The following ZZEF1 variants were observed in gnomAD, a reference collection of about 807,000 sequenced individuals.
ZZEF1 encodes the protein zinc finger ZZ-type and EF-hand domain containing 1, also known as zinc finger ZZ-type and EF-hand domain-containing protein 1.
In ZZEF1, 157 loss-of-function variants were observed where a neutral mutation model predicts 342.8. The ratio of observed to expected loss-of-function variants is 0.46; its 90% CI spans 0.40 to 0.52. The LOEUF is 0.52. Ranked by LOEUF, ZZEF1 falls within the 20% of genes least tolerant of loss-of-function variation. The pLI, the probability that ZZEF1 is intolerant of heterozygous loss-of-function variation, is 0.00. For synonymous variants in ZZEF1, 1,505 were observed against 1,429.1 expected, an observed-to-expected ratio of 1.05 and a Z score of -1.20; for missense variants, 3,480 against 3,725.6, an observed-to-expected ratio of 0.93 and a Z score of 1.72.
intron 1 of ZZEF1, among the ~76,000 whole-genome samples, chr17:4,132,491 C>G (rs545979004): frequency 8.1e-4 from 123 of 151,568 alleles, no homozygotes; most frequent in South Asian, 5.7e-3. Flanking sequence ...GAGGTCAGGG[C>G]ATCAAGACCA....
In ZZEF1 at chr17:4,021,277, G is replaced by C. The variant is rs1337142278; in HGVS notation, c.7256C>G (p.Ala2419Gly). 6.2e-7 allele frequency: 1 copy of C among 1,614,082 alleles called. No individual in the cohort carries two copies. The change falls in exon 45 of 55, where the codon GCT becomes GGT. Residue 2419 changes from alanine (A) to glycine (G), a missense_variant. Physicochemically the swap from Ala to Gly is moderately conservative, Grantham distance 60. Transcript: ENST00000381638. ...MLYSSKKEIN[A>G]LAEHGDLELD... ...CTCTAGGTCTCCGTGCTCAGCCAAA[G>C]CGTTGATCTCCTTTTTTGAGGAGTA... is the stretch of plus-strand genomic sequence containing the variant.
At chr17:4,108,591 T>C (rs1212981214) in intron 6 of ZZEF1, among the ~76,000 whole-genome samples, 2 of 152,194 alleles carry the variant, frequency 1.3e-5, no homozygotes, top group African/African-American at 4.8e-5. Flanking sequence ...AACATAGCAA[T>C]GTACACCAAT....
intron 36 of ZZEF1, 65 bp downstream of exon 36, chr17:4,050,716 T>C (rs912855744): frequency 6.2e-7 from 1 of 1,602,780 alleles, no homozygotes; most frequent in Non-Finnish European, 8.5e-7. Context: ...TATTTTACAT[T>C]TGCCAAGGCT....
At chr17:4,048,914 T>C (rs1165750900) in intron 37 of ZZEF1, among the ~76,000 whole-genome samples, 1 of 148,200 alleles carries the variant, frequency 6.7e-6, no homozygotes, top group Non-Finnish European at 1.5e-5. Flanking sequence ...GAGACAGGGT[T>C]TCACCCTGTT....
intron 39 of ZZEF1, among the ~76,000 whole-genome samples, chr17:4,036,776 TACACACACACACACACAC>T (rs761229612): frequency 3.0e-5 from 3 of 99,914 alleles, no homozygotes; most frequent in Non-Finnish European, 3.9e-5. Context: ...ATATATAGAA[TACACACACACACACACAC>T]ACACACACAC....
intron 43 of ZZEF1, among the ~76,000 whole-genome samples, chr17:4,023,438 A>G (rs2056321423): frequency 6.6e-6 from 1 of 152,120 alleles, no homozygotes; most frequent in South Asian, 2.1e-4. Flanking sequence ...GACAGAAATT[A>G]TTGCTGCCCT....
chr17:4,142,581 C>T lies in ZZEF1; in HGVS notation c.315G>A (p.Glu105=). 1.2e-6 allele frequency: 2 copies of T among 1,604,390 alleles called. No individual in the cohort carries two copies. The highest frequency in any genetic ancestry group is 1.7e-6 in the Non-Finnish European group (2 of 1,179,710). The change falls in exon 1 of 55, where the codon GAG becomes GAA. Residue 105 remains glutamate, a synonymous_variant. Coordinates refer to ENST00000381638, the MANE Select transcript of ZZEF1 (RefSeq NM_015113.4). ...VTLEQFRELL[E]ARGAGCSSEQ... is the part of the protein sequence containing the mutation. ...CGCTAGAGCAGCCGGCGCCGCGAGC[C>T]TCCAGCAGCTCCCGGAACTGCTCCA...
At chr17:4,125,662 A>G (rs2058561994) in intron 1 of ZZEF1, among the ~76,000 whole-genome samples, 1 of 152,228 alleles carries the variant, frequency 6.6e-6, no homozygotes, top group South Asian at 2.1e-4. Flanking sequence ...ACTAGACCCA[A>G]TCAAGAAAGG....
chr17:4,067,309 C>T (rs2057420034), intron 26 of ZZEF1, 67 bp from the exon 27 acceptor site: 2 of 1,313,670 alleles, frequency 1.5e-6, no homozygotes, highest in Admixed American at 2.1e-5. Context: ...ACATTAAGCA[C>T]AAAAAATCTA....
In ZZEF1 at chr17:4,014,651, C is replaced by T; in HGVS notation, c.8146-136G>A. The T allele has an allele frequency of 3.3e-6, 3 of 896,662 alleles. No homozygotes were observed. Among genetic ancestry groups the T allele is most frequent in the South Asian group, 1.5e-5 (1 of 65,216 alleles). The allele number at this position is 896,662 out of a possible 1,614,324, so 55.5% of individuals were successfully genotyped here. A position where few individuals can be genotyped will look rare whatever the true frequency, so the allele number is the denominator to read the frequency against. ...ACCACAGCCCTGGCCTCCAGGAGTGCAGAGTCCAGCTAGGGCGAGGAGCAT... is the reference window on the plus strand; with the variant it reads ...ACCACAGCCCTGGCCTCCAGGAGTGTAGAGTCCAGCTAGGGCGAGGAGCAT... On this transcript the variant is annotated intron_variant, in intron 49 of 54. Transcript: ENST00000381638. This position sits in a 1 kb window ranked among gnomAD's most constrained non-coding sequence, Gnocchi z 4.4.
chr17:4,090,985 T>C (rs1176766771), intron 11 of ZZEF1, among the ~76,000 whole-genome samples, 155 bp from the exon 12 acceptor site: 1 of 152,220 alleles, frequency 6.6e-6, no homozygotes, highest in Non-Finnish European at 1.5e-5. Context: ...TGTGAGCACA[T>C]GAGACAGTTG....
chr17:4,072,137 A>G (rs1240502791), intron 25 of ZZEF1, among the ~76,000 whole-genome samples: 2 of 152,066 alleles, frequency 1.3e-5, no homozygotes, highest in Non-Finnish European at 2.9e-5. Context: ...AACGTGGGGC[A>G]GGGCAGGGAG....
chr17:4,023,677 A>AT (rs1567769666), intron 43 of ZZEF1, among the ~76,000 whole-genome samples: 4 of 151,276 alleles, frequency 2.6e-5, no homozygotes, highest in Admixed American at 6.6e-5. Flanking sequence ...AAAAAAAAAA[A>AT]ATTAACTGGG....
chr17:4,087,890 C>T (rs6502768), intron 13 of ZZEF1, among the ~76,000 whole-genome samples: 1 of 151,776 alleles, frequency 6.6e-6, no homozygotes, highest in Admixed American at 6.6e-5. Context: ...TGATCACTGT[C>T]CAGGACTGTA....
At chr17:4,033,959 T>C in intron 40 of ZZEF1, 56 bp downstream of exon 40, 2 of 1,589,770 alleles carry the variant, frequency 1.3e-6, no homozygotes, top group Non-Finnish European at 1.7e-6. Flanking sequence ...CTTAAACAAA[T>C]AAACACCAAG....
intron 21 of ZZEF1, 93 bp from the exon 22 acceptor site, chr17:4,075,522 A>T (rs1197362382): frequency 6.9e-7 from 1 of 1,452,930 alleles, no homozygotes; most frequent in Non-Finnish European, 9.3e-7. Flanking sequence ...TGCTCCAGGC[A>T]GATGGCCTTG....
chr17:4,107,545 G>A (rs1053045254), intron 6 of ZZEF1, among the ~76,000 whole-genome samples: 5 of 152,184 alleles, frequency 3.3e-5, no homozygotes, highest in African/African-American at 9.7e-5. Flanking sequence ...ATAGGAACTC[G>A]AGGAAGATAA....
At chr17:4,039,500 G>T (rs945112526) in intron 39 of ZZEF1, among the ~76,000 whole-genome samples, 3 of 145,696 alleles carry the variant, frequency 2.1e-5, no homozygotes, top group South Asian at 2.1e-4. Flanking sequence ...AAACAAATCC[G>T]CCCTGCATCC....
Position 4,142,623 on chromosome 17 carries a change from G to C in ZZEF1, c.273C>G (p.Gly91=), listed in dbSNP as rs767191571. The change falls in exon 1 of 55, where the codon GGC becomes GGG. Residue 91 remains glycine (G), a synonymous_variant. Transcript: ENST00000381638. ...ACTGCTCCAGAGTGACAGACTCTTCGCCGCGGCCCAGCCGCTCTTCCAGCC... is the reference window on the plus strand; with the variant it reads ...ACTGCTCCAGAGTGACAGACTCTTCCCCGCGGCCCAGCCGCTCTTCCAGCC... ...FRWLEERLGR[G]EESVTLEQFR... The C allele has an allele frequency of 6.2e-7, 1 of 1,605,122 alleles. No individual in the cohort carries two copies. Among genetic ancestry groups the C allele is most frequent in the African/African-American group, 1.3e-5 (1 of 74,896 alleles).
Sources: gnomAD v4.1 joint callset for allele counts (sites outside exome capture counted in the v4.1 genomes callset) on GRCh38, gnomAD v4.1.1 for gene constraint, Gnocchi (gnomAD v3.1) non-coding constraint, MANE v1.5 for transcripts, NCBI Gene and HGNC (gene_info 2026-07-23, HGNC 2026-07-21) for gene names.